ADGRL3: variants seen among roughly 807,000 people sequenced by gnomAD.
ADGRL3 encodes calcium-independent alpha-latrotoxin receptor 3.
A neutral mutation model predicts 153.5 loss-of-function variants in ADGRL3; 62 were observed. The ratio of observed to expected loss-of-function variants is 0.40; its 90% CI spans 0.33 to 0.50. ADGRL3 has a LOEUF of 0.50. Among genes scored for constraint, ADGRL3 ranks in the 20% least tolerant of loss-of-function variants. The probability of loss-of-function intolerance (pLI) is 0.47; values close to 1 mark genes in which losing one functional copy is unlikely to be tolerated. For synonymous variants in ADGRL3, 710 were observed against 672.5 expected (o/e 1.06, Z -0.86); for missense variants, 1,641 against 1,859.4 (o/e 0.88, Z 2.16).
intron 3 of ADGRL3, among the ~76,000 whole-genome samples, chr4:61,513,681 G>A (rs915866601): frequency 2.6e-5 from 4 of 151,848 alleles, no homozygotes; most frequent in Non-Finnish European, 4.4e-5. Context: ...TTACTTACAA[G>A]GAGTATTATA....
chr4:61,618,371 C>G (rs1325252274), intron 5 of ADGRL3, among the ~76,000 whole-genome samples: 2 of 152,164 alleles, frequency 1.3e-5, no homozygotes. Context: ...CATAAAGTTA[C>G]TGTATCAGCT....
intron 2 of ADGRL3, among the ~76,000 whole-genome samples, chr4:61,432,559 C>CTT: frequency 6.1e-5 from 2 of 32,850 alleles, no homozygotes; most frequent in Non-Finnish European, 7.2e-4. Context: ...TTATAGATTT[C>CTT]TTTTCTTTCT....
intron 6 of ADGRL3, among the ~76,000 whole-genome samples, chr4:61,715,170 T>A (rs1414103031): frequency 2.0e-5 from 3 of 152,182 alleles, no homozygotes; most frequent in Non-Finnish European, 4.4e-5. Context: ...TTGAAACACT[T>A]GGCCAATATT....
intron 2 of ADGRL3, among the ~76,000 whole-genome samples, chr4:61,443,017 A>T (rs1455246654): frequency 6.6e-6 from 1 of 152,162 alleles, no homozygotes; most frequent in Non-Finnish European, 1.5e-5. Flanking sequence ...CATAAAACAG[A>T]CTGTATAGTA....
At chr4:61,371,705 T>C (rs1480883467) in intron 1 of ADGRL3, among the ~76,000 whole-genome samples, 1 of 152,130 alleles carries the variant, frequency 6.6e-6, no homozygotes, top group Non-Finnish European at 1.5e-5. Context: ...GACAATTATG[T>C]GTCTTGGAGT....
At chr4:61,977,511 G>C (rs2099052357) in intron 17 of ADGRL3, among the ~76,000 whole-genome samples, 2 of 152,060 alleles carry the variant, frequency 1.3e-5, no homozygotes, top group African/African-American at 4.8e-5. Context: ...AATTTCATGT[G>C]GTTTTCTTTC....
chr4:61,780,532 A>G (rs2097202262), intron 8 of ADGRL3, among the ~76,000 whole-genome samples: 1 of 152,204 alleles, frequency 6.6e-6, no homozygotes, highest in African/African-American at 2.4e-5. Flanking sequence ...CTTAAGGCAA[A>G]GGTTATGTTT....
chr4:61,538,718 A>G (rs1212909070), intron 4 of ADGRL3, among the ~76,000 whole-genome samples: 1 of 152,150 alleles, frequency 6.6e-6, no homozygotes, highest in Non-Finnish European at 1.5e-5. Context: ...CTGGGATTAC[A>G]GACATGAGCC....
At chr4:61,369,282 G>A (rs369138102) in intron 1 of ADGRL3, among the ~76,000 whole-genome samples, 19 of 152,316 alleles carry the variant, frequency 1.2e-4, no homozygotes, top group African/African-American at 4.1e-4. Context: ...TAGGAGTGGT[G>A]AGAGAGGGCA....
intron 21 of ADGRL3, among the ~76,000 whole-genome samples, chr4:62,020,745 T>C (rs1262308912): frequency 6.6e-6 from 1 of 152,160 alleles, no homozygotes; most frequent in Non-Finnish European, 1.5e-5. Flanking sequence ...TTATGTCTTA[T>C]GCTTTATAGT....
intron 1 of ADGRL3, among the ~76,000 whole-genome samples, chr4:61,225,993 A>C (rs571957200): frequency 6.6e-6 from 1 of 151,546 alleles, no homozygotes. Flanking sequence ...TCAAGTTCTC[A>C]TTTTTCCGTA....
At chr4:61,834,881 C>T (rs773823361) in intron 9 of ADGRL3, among the ~76,000 whole-genome samples, 3 of 152,212 alleles carry the variant, frequency 2.0e-5, no homozygotes, top group East Asian at 1.9e-4. Flanking sequence ...AGTCAATCAG[C>T]GCATTTTGTA....
intron 2 of ADGRL3, among the ~76,000 whole-genome samples, chr4:61,456,453 CTATA>C (rs796588403): frequency 9.2e-5 from 9 of 97,810 alleles, no homozygotes; most frequent in Admixed American, 2.4e-4. Flanking sequence ...ATATCTATAT[CTATA>C]TATATAGATA....
intron 2 of ADGRL3, among the ~76,000 whole-genome samples, chr4:61,422,811 A>G (rs1245353214): frequency 6.6e-6 from 1 of 151,354 alleles, no homozygotes; most frequent in Admixed American, 6.6e-5. Context: ...AAATAGATAA[A>G]AAATATAAAT....
chr4:61,895,860 T>G (rs2098628204), intron 11 of ADGRL3, 26 bp downstream of exon 11: 1 of 1,342,580 alleles, frequency 7.4e-7, no homozygotes, highest in Admixed American at 2.0e-5. Flanking sequence ...GACAAGAAAG[T>G]CTTTGCTAAA....
chr4:61,296,101 G>A (rs1217814157), intron 1 of ADGRL3, among the ~76,000 whole-genome samples: 1 of 152,190 alleles, frequency 6.6e-6, no homozygotes, highest in African/African-American at 2.4e-5. Context: ...TAGTATGAAT[G>A]TGTGCAATTT....
At chr4:61,960,984 A>G (rs1371570013) in intron 17 of ADGRL3, among the ~76,000 whole-genome samples, 2 of 152,180 alleles carry the variant, frequency 1.3e-5, no homozygotes, top group African/African-American at 4.8e-5. Flanking sequence ...CTGAGATTAC[A>G]GGTGTGAGCC....
intron 15 of ADGRL3, 100 bp downstream of exon 15, chr4:61,936,145 C>T (rs2098837363): frequency 7.7e-7 from 1 of 1,298,056 alleles, no homozygotes; most frequent in African/African-American, 1.5e-5. Context: ...GGAGCTTTTC[C>T]CCTCTTCCTC....
chr4:61,900,552 A>G (rs2149703176), intron 11 of ADGRL3, among the ~76,000 whole-genome samples: 1 of 152,336 alleles, frequency 6.6e-6, no homozygotes, highest in Non-Finnish European at 1.5e-5. Flanking sequence ...AATAAAAAAC[A>G]TAATTTGTGC....
Sources: allele counts gnomAD v4.1 joint callset (sites outside exome capture counted in the v4.1 genomes callset), GRCh38; gene constraint gnomAD v4.1.1; transcripts MANE v1.5; gene names NCBI Gene and HGNC (gene_info 2026-07-23, HGNC 2026-07-21).